ADD2: variants seen among roughly 807,000 people sequenced by gnomAD.
ADD2 encodes adducin 2.
A neutral mutation model predicts 83.0 loss-of-function variants in ADD2; 23 were observed. That is an observed-to-expected ratio of 0.28 (90% CI 0.20 to 0.39). The LOEUF (loss-of-function observed/expected upper bound fraction) is 0.39, where lower values mean the gene tolerates loss of function less well. Ranked by LOEUF, ADD2 falls within the 10% of genes least tolerant of loss-of-function variation. ADD2 has a pLI of 1.00. For missense variants in ADD2, 758 were observed against 944.9 expected, an observed-to-expected ratio of 0.80 and a Z score of 2.59; for synonymous variants, 375 against 375.4, an observed-to-expected ratio of 1.00 and a Z score of 0.01.
chr2:70,664,597 A>G (rs1385489213), intron 15 of ADD2, among the ~76,000 whole-genome samples: 6 of 152,232 alleles, frequency 3.9e-5, no homozygotes, highest in African/African-American at 1.4e-4. Flanking sequence ...CTGCACAGTT[A>G]AGAAGGCTGA....
At chr2:70,671,206 G>A (rs1669877603) in intron 15 of ADD2, among the ~76,000 whole-genome samples, 1 of 152,172 alleles carries the variant, frequency 6.6e-6, no homozygotes, top group South Asian at 2.1e-4. Flanking sequence ...TGTGCATTAG[G>A]AAGAGGGGTA....
chr2:70,711,041 A>G (rs1246352162), intron 2 of ADD2: 2 of 152,222 alleles, frequency 1.3e-5, no homozygotes, highest in African/African-American at 4.8e-5. Context: ...ATCGACAAAA[A>G]GAAGAACATC....
chr2:70,700,436 A>C (rs1042906973), intron 4 of ADD2, among the ~76,000 whole-genome samples: 1 of 152,144 alleles, frequency 6.6e-6, no homozygotes, highest in South Asian at 2.1e-4. Context: ...CAAATTCCTG[A>C]GATAAGGCCA....
intron 1 of ADD2, among the ~76,000 whole-genome samples, chr2:70,727,379 A>G (rs1553378482): frequency 6.6e-6 from 1 of 151,374 alleles, no homozygotes. Flanking sequence ...CCATTCCCCA[A>G]CGCCTAATTG....
chr2:70,766,685 A>T (rs1574340965), intron 1 of ADD2, among the ~76,000 whole-genome samples: 1 of 152,180 alleles, frequency 6.6e-6, no homozygotes, highest in African/African-American at 2.4e-5. Context: ...AGTTGCTTGC[A>T]CCCTCTCCAA....
At chr2:70,701,086 G>C (rs1462453057) in intron 4 of ADD2, among the ~76,000 whole-genome samples, 2 of 151,990 alleles carry the variant, frequency 1.3e-5, no homozygotes, top group African/African-American at 2.4e-5. Flanking sequence ...ATCAATACTA[G>C]GTAAAGACTG....
intron 1 of ADD2, among the ~76,000 whole-genome samples, chr2:70,727,840 G>A (rs1253566366): frequency 1.3e-5 from 2 of 152,022 alleles, no homozygotes; most frequent in African/African-American, 4.8e-5. Flanking sequence ...AGGTTGCAGT[G>A]AGCTGAGATC....
intron 2 of ADD2, 90 bp downstream of exon 2, chr2:70,712,976 T>C (rs1009539681): frequency 1.1e-4 from 43 of 407,046 alleles, no homozygotes; most frequent in Non-Finnish European, 1.4e-4. Context: ...CTCATCCTCA[T>C]GCAAAGGGCC....
intron 8 of ADD2, among the ~76,000 whole-genome samples, chr2:70,689,035 C>T (rs1265596163): frequency 2.6e-5 from 4 of 152,068 alleles, no homozygotes; most frequent in Admixed American, 6.5e-5. Context: ...AACCTGGGGG[C>T]TGCAGTGAGC....
intron 1 of ADD2, among the ~76,000 whole-genome samples, chr2:70,734,636 G>A (rs1673435367): frequency 6.6e-6 from 1 of 152,220 alleles, no homozygotes; most frequent in Non-Finnish European, 1.5e-5. Flanking sequence ...CAGGAGAGGA[G>A]AAAGGATGAC....
chr2:70,688,103 T>A lies in ADD2; in HGVS notation c.869A>T (p.His290Leu). Residue 290 changes from histidine to leucine, a missense_variant, in exon 9 of 16, where the codon CAT (histidine) becomes CTT (leucine). This residue lies in a region of ADD2 where 394 missense variants were observed against 509.3 expected (regional missense o/e 0.77). Coordinates refer to ENST00000264436, the MANE Select transcript of ADD2 (RefSeq NM_001617.4). ...CGTGTCACCCAGAGCAACCACTCCA[T>A]GGTTTCTTAGCACCAGGATCTGTAG... ...PTCKILVLRNHGVVALGDTVE... is the reference protein window; with the variant it reads ...PTCKILVLRNLGVVALGDTVE... 1 of 1,614,104 alleles carries A rather than the reference T, an allele frequency of 6.2e-7. No homozygotes were observed. Among genetic ancestry groups the A allele is most frequent in the East Asian group, 2.2e-5 (1 of 44,888 alleles).
chr2:70,701,747 G>C (rs143606306), intron 4 of ADD2, among the ~76,000 whole-genome samples: 1 of 151,864 alleles, frequency 6.6e-6, no homozygotes, highest in African/African-American at 2.4e-5. Flanking sequence ...ACTATAACCA[G>C]AAAGAAAATA....
chr2:70,664,987 A>AGTGT (rs1675716072), intron 15 of ADD2, among the ~76,000 whole-genome samples: 2 of 80,922 alleles, frequency 2.5e-5, no homozygotes, highest in Middle Eastern at 6.7e-3. Context: ...AATGTGTGCG[A>AGTGT]GTGAGTGTGT....
intron 15 of ADD2, among the ~76,000 whole-genome samples, chr2:70,665,082 T>C (rs1384785607): frequency 1.3e-5 from 2 of 152,106 alleles, no homozygotes; most frequent in Non-Finnish European, 2.9e-5. Flanking sequence ...CCCGGCATGC[T>C]GAGGTGTATG....
At chr2:70,719,400 G>C (rs1256706800) in intron 1 of ADD2, among the ~76,000 whole-genome samples, 6 of 152,230 alleles carry the variant, frequency 3.9e-5, no homozygotes, top group Non-Finnish European at 7.3e-5. Flanking sequence ...CTGGGGTACA[G>C]TGCTCTGGTA....
intron 6 of ADD2, among the ~76,000 whole-genome samples, chr2:70,693,823 T>C (rs565461010): frequency 1.9e-4 from 29 of 152,308 alleles, no homozygotes; most frequent in African/African-American, 6.5e-4. Flanking sequence ...CATTGTTGGA[T>C]GTGTGATCTG....
chr2:70,725,407 A>T (rs1033949142), intron 1 of ADD2, among the ~76,000 whole-genome samples: 9 of 150,274 alleles, frequency 6.0e-5, no homozygotes, highest in South Asian at 2.1e-4. Flanking sequence ...CCCTGCCAAA[A>T]ATATATATAT....
At position 70,706,716 on chromosome 2, in the gene ADD2, G is replaced by C. The variant is rs1553374577; in HGVS notation, c.-34-274C>G. ...AGCCAGCCCTTAAATGGTCACACTT[G>C]GCTTGGAGTAGAGAGTTCCCCGAAT... On this transcript the variant is annotated intron_variant, in intron 2 of 15. Coordinates refer to ENST00000264436, the MANE Select transcript of ADD2 (RefSeq NM_001617.4). The surrounding 1 kb of genome is among the most constrained non-coding windows in gnomAD (Gnocchi z 5.0). Among the ~76,000 whole-genome samples the C allele has an allele frequency of 6.6e-6, 1 of 152,180 alleles. No individual in the cohort carries two copies. The highest frequency in any genetic ancestry group is 1.5e-5 in the Non-Finnish European group (1 of 68,038).
At chr2:70,736,966 A>G (rs903590665) in intron 1 of ADD2, among the ~76,000 whole-genome samples, 1 of 152,234 alleles carries the variant, frequency 6.6e-6, no homozygotes, top group Admixed American at 6.5e-5. Flanking sequence ...CAACAGACAC[A>G]TGAAAAAATG....
Sources: gnomAD v4.1 joint callset for allele counts (sites outside exome capture counted in the v4.1 genomes callset) on GRCh38, gnomAD v4.1.1 for gene constraint, gnomAD v4.1.1 regional missense constraint, Gnocchi (gnomAD v3.1) non-coding constraint, MANE v1.5 for transcripts, NCBI Gene and HGNC (gene_info 2026-07-23, HGNC 2026-07-21) for gene names.